Variants in SH3GLB2 observed in about 807,000 individuals in gnomAD.
The protein encoded by SH3GLB2 is SH3 domain containing GRB2 like, endophilin B2.
A neutral mutation model predicts 48.0 loss-of-function variants in SH3GLB2; 24 were observed. The observed-to-expected ratio is 0.50, with a 90% CI of 0.36 to 0.70. The LOEUF is 0.70. SH3GLB2 is among the 30% of genes least tolerant of loss of function. The pLI is 0.00. For missense variants in SH3GLB2, 425 were observed against 516.0 expected (o/e 0.82, Z 1.71); for synonymous variants, 227 against 207.6 (o/e 1.09, Z -0.80).
chr9:129,009,965 G>A lies in SH3GLB2; in HGVS notation c.739-94C>T, dbSNP rs3750341. On this transcript the variant is annotated intron_variant, in intron 8 of 10. Transcript: ENST00000372564. ...CCCGTCCTCTACCAGACCTTGCTCC[G>A]GCATTCCAGGGTGCCCTGCCCCTGC... 4.6e-4 allele frequency: 641 copies of A among 1,393,908 alleles called. 2 individuals are homozygous for A. In the East Asian group the frequency reaches 0.011, roughly 25 times the overall value. The allele number at this position is 1,393,908 out of a possible 1,614,324, so 86.3% of individuals were successfully genotyped here.
In SH3GLB2 at chr9:129,014,225, C is replaced by T. The variant is rs998257828; in HGVS notation, c.561+186G>A. On this transcript the variant is annotated intron_variant, in intron 5 of 10. Coordinates refer to ENST00000372564, the MANE Select transcript of SH3GLB2 (RefSeq NM_020145.4). This position sits in a 1 kb window ranked among gnomAD's most constrained non-coding sequence, Gnocchi z 4.1. ...AGATATCTCCCTGGGAACCAGAGCT[C>T]GGGGGCCACCAAGGCTCCCTTGAGG... 1.3e-5 allele frequency among the ~76,000 whole-genome samples: 2 copies of T among 152,184 alleles called. No individual in the cohort carries two copies. The highest frequency in any genetic ancestry group is 2.4e-5 in the African/African-American group (1 of 41,560).
In SH3GLB2 at chr9:129,022,419, G is replaced by A; in HGVS notation, c.68C>T (p.Thr23Met). ...CTCAGCCTGGCCAAATTTCTCCTCC[G>A]TGAACTACGCAGAGGGGAAGGCCAA... ...GIFFTRAVQF[T>M]EEKFGQAEKT... Residue 23 changes from threonine (T) to methionine (M), a missense_variant, in exon 2 of 11, where the codon ACG becomes ATG. Thr to Met is a moderately conservative substitution (Grantham distance 81, BLOSUM62 -1). Coordinates refer to ENST00000372564, the MANE Select transcript of SH3GLB2 (RefSeq NM_020145.4). The A allele has an allele frequency of 2.5e-6, 4 of 1,611,850 alleles. No individual in the cohort carries two copies. The highest frequency in any genetic ancestry group is 2.5e-6 in the Non-Finnish European group (3 of 1,178,902).
intron 3 of SH3GLB2, among the ~76,000 whole-genome samples, chr9:129,018,993 T>C (rs965249479): frequency 2.0e-5 from 3 of 151,854 alleles, no homozygotes; most frequent in East Asian, 1.9e-4. Flanking sequence ...AATGAACTTA[T>C]AGGGACCGAA....
In SH3GLB2 at chr9:129,009,815, T is replaced by C. The variant is rs1842999839; in HGVS notation, c.795A>G (p.Ala265=). 2 of 1,613,980 alleles carry C rather than the reference T, an allele frequency of 1.2e-6. No homozygotes were observed. ...AGTCCAGCATGTGGCGGTAGCACTG[T>C]GCGTAGTAGGTTGTCTGAGACTTGA... The part of the protein sequence containing the change: ...EFVKSQTTYY[A]QCYRHMLDLQ... Residue 265 remains alanine, a synonymous_variant, in exon 9 of 11, where the codon GCA becomes GCG. Transcript: ENST00000372564.
Position 129,014,622 on chromosome 9 carries a change from GAT to G in SH3GLB2, c.469-121_469-120del, listed in dbSNP as rs1184615564. ...CAAGATAGGGAAACTGAGGCCCAGA[GAT>G]AGGAGGTCACTCAGTCCAAAGGAGC... is the stretch of plus-strand genomic sequence containing the variant. On this transcript the variant is annotated intron_variant, in intron 4 of 10. Coordinates refer to ENST00000372564, the MANE Select transcript of SH3GLB2 (RefSeq NM_020145.4). This position sits in a 1 kb window ranked among gnomAD's most constrained non-coding sequence, Gnocchi z 4.1. 10 of 1,486,568 alleles carry G rather than the reference GAT, an allele frequency of 6.7e-6. No homozygotes were observed. The Admixed American group carries it at 1.3e-4, about 19-fold the overall frequency. 92.1% of individuals were successfully genotyped at this position (1,486,568 alleles called of 1,614,324 possible).
At chr9:129,009,530 T>G in intron 9 of SH3GLB2, 184 bp from the exon 10 acceptor site, 1 of 1,547,934 alleles carries the variant, frequency 6.5e-7, no homozygotes, top group Non-Finnish European at 8.7e-7. Context: ...CCCTGGTCCC[T>G]GCCATCCTCC....
Position 129,010,655 on chromosome 9 carries a change from C to A in SH3GLB2, c.648+15G>T. 1.9e-6 allele frequency: 3 copies of A among 1,614,004 alleles called. No homozygotes were observed. The highest frequency in any genetic ancestry group is 1.7e-4 in the Middle Eastern group (1 of 6,060). Reference sequence around the variant, plus strand: ...CCCTTCTTCCTCGAGCCCAGCCCCCCAGGCCCCAACTTACCTTGTCCACTT... The same window carrying A: ...CCCTTCTTCCTCGAGCCCAGCCCCCAAGGCCCCAACTTACCTTGTCCACTT... On this transcript the variant is annotated intron_variant, in intron 7 of 10. Coordinates refer to ENST00000372564, the MANE Select transcript of SH3GLB2 (RefSeq NM_020145.4).
chr9:129,022,756 A>AG (rs35280184), intron 1 of SH3GLB2, among the ~76,000 whole-genome samples: 1 of 152,198 alleles, frequency 6.6e-6, no homozygotes, highest in African/African-American at 2.4e-5. Flanking sequence ...GGCCAGCCCT[A>AG]GGGTCCTTTG....
At chr9:129,013,083 C>T (rs1164199236) in intron 5 of SH3GLB2, 104 of 1,545,272 alleles carry the variant, frequency 6.7e-5, no homozygotes, top group Non-Finnish European at 8.3e-5. Context: ...GAGTCCACAG[C>T]GCAGGCAGGA....
chr9:129,027,133 C>T (rs1412792889), intron 1 of SH3GLB2, among the ~76,000 whole-genome samples: 1 of 152,166 alleles, frequency 6.6e-6, no homozygotes, highest in East Asian at 1.9e-4. Context: ...CCCATAACCA[C>T]GGTGTTACAC....
Position 129,009,347 on chromosome 9 carries a change from C to A in SH3GLB2, c.840-1G>T. On this transcript the variant is annotated splice_acceptor_variant, in intron 9 of 10. Transcript: ENST00000372564. LOFTEE classifies it high-confidence loss of function. The stretch of plus-strand genomic sequence containing the variant: ...GGTGCCCACGAAGGTGCCGGGAAAT[C>A]TGGAGAGGAGGGATACATCTTAGCA... 1 of 1,548,148 alleles carries A rather than the reference C, an allele frequency of 6.5e-7. No homozygotes were observed.
rs1160956692 is a variant in SH3GLB2 at position 129,009,415 on chromosome 9, C to T, written c.840-69G>A. The T allele has an allele frequency of 2.5e-5, 38 of 1,550,462 alleles. No individual in the cohort carries two copies. The South Asian group carries it at 4.0e-4, about 17-fold the overall frequency. On this transcript the variant is annotated intron_variant, in intron 9 of 10. Coordinates refer to ENST00000372564, the MANE Select transcript of SH3GLB2 (RefSeq NM_020145.4). ...GGACCCCAGAGGCAAACTCCCCTCC[C>T]CAGCCCCAGGAGCCCCACTCCAGCC...
In SH3GLB2 at chr9:129,009,092, G is replaced by T. The variant is rs749463778; in HGVS notation, c.1080+14C>A. Reference sequence around the variant, plus strand: ...CCAGCCCATTCCTGCCCCACCTTGCGGCACCGGGCCCACCTCATCAGCCAG... The same window carrying T: ...CCAGCCCATTCCTGCCCCACCTTGCTGCACCGGGCCCACCTCATCAGCCAG... On this transcript the variant is annotated intron_variant, in intron 10 of 10. Coordinates refer to ENST00000372564, the MANE Select transcript of SH3GLB2 (RefSeq NM_020145.4). The T allele has an allele frequency of 1.9e-6, 3 of 1,605,886 alleles. No individual in the cohort carries two copies. The highest frequency in any genetic ancestry group is 2.5e-6 in the Non-Finnish European group (3 of 1,179,700).
chr9:129,009,990 C>G (rs983906188), intron 8 of SH3GLB2, 119 bp from the exon 9 acceptor site: 1 of 1,350,000 alleles, frequency 7.4e-7, no homozygotes, highest in Non-Finnish European at 1.0e-6. Flanking sequence ...CCTGCCCCTG[C>G]GCCCACACCC....
At chr9:129,024,579 T>A (rs1588339879) in intron 1 of SH3GLB2, among the ~76,000 whole-genome samples, 1 of 145,236 alleles carries the variant, frequency 6.9e-6, no homozygotes, top group African/African-American at 2.6e-5. Flanking sequence ...AAAAATTAGC[T>A]GGGCGTGGTG....
chr9:129,010,533 C>T lies in SH3GLB2; in HGVS notation c.648+137G>A. ...TTCCCCACAGAGGGGAAACTGAGGC[C>T]CAGGGAGGGAAAGCAGTAACCCCTC... On this transcript the variant is annotated intron_variant, in intron 7 of 10. Transcript: ENST00000372564. The T allele has an allele frequency of 3.0e-6, 3 of 988,510 alleles. 1 individual carries two copies. In the South Asian group the frequency reaches 4.5e-5, roughly 15 times the overall value. The allele number at this position is 988,510 out of a possible 1,614,324, so 61.2% of individuals were successfully genotyped here. A position where few individuals can be genotyped will look rare whatever the true frequency, so the allele number is the denominator to read the frequency against.
At position 129,011,003 on chromosome 9, in the gene SH3GLB2, C is replaced by T. The variant is rs1240435343; in HGVS notation, c.625-310G>A. On this transcript the variant is annotated intron_variant, in intron 6 of 10. Coordinates refer to ENST00000372564, the MANE Select transcript of SH3GLB2 (RefSeq NM_020145.4). This position sits in a 1 kb window ranked among gnomAD's most constrained non-coding sequence, Gnocchi z 4.5. ...GAGAGACGGAGTGTCCCCACCCCATCCTGACTGCTGGCTCAGGCTGCTGGG... is the reference window on the plus strand; with the variant it reads ...GAGAGACGGAGTGTCCCCACCCCATTCTGACTGCTGGCTCAGGCTGCTGGG... The T allele has an allele frequency of 4.8e-6, 2 of 420,984 alleles. No individual in the cohort carries two copies. The highest frequency in any genetic ancestry group is 2.0e-5 in the African/African-American group (1 of 49,284). The allele number at this position is 420,984 out of a possible 1,614,324, so 26.1% of individuals were successfully genotyped here.
Position 129,011,938 on chromosome 9 carries a change from A to C in SH3GLB2, c.624+298T>G. ...AGCAGGAGGTGGAGGGGCCCTGGGG[A>C]TGGGACAGCTGCCGCCCTGAGTTCT... On this transcript the variant is annotated intron_variant, in intron 6 of 10. Transcript: ENST00000372564. The surrounding 1 kb of genome is among the most constrained non-coding windows in gnomAD (Gnocchi z 4.5). 1 of 337,808 alleles carries C rather than the reference A, an allele frequency of 3.0e-6. No homozygotes were observed. Among genetic ancestry groups the C allele is most frequent in the Admixed American group, 4.8e-5 (1 of 20,646 alleles). The allele number at this position is 337,808 out of a possible 1,614,324, so 20.9% of individuals were successfully genotyped here.
chr9:129,010,054 T>G, intron 8 of SH3GLB2, 66 bp downstream of exon 8: 1 of 1,517,642 alleles, frequency 6.6e-7, no homozygotes, highest in Non-Finnish European at 9.1e-7. Context: ...CTGCTGACCT[T>G]GTGGTTCAGG....
Sources: allele counts gnomAD v4.1 joint callset (sites outside exome capture counted in the v4.1 genomes callset), GRCh38; gene constraint gnomAD v4.1.1; non-coding constraint Gnocchi (gnomAD v3.1); transcripts MANE v1.5; gene names NCBI Gene and HGNC (gene_info 2026-07-23, HGNC 2026-07-21).